TTC3: variants seen among roughly 807,000 people sequenced by gnomAD.
The protein encoded by TTC3 is tetratricopeptide repeat domain 3.
TTC3 carries 180 observed loss-of-function variants against 249.6 expected under a neutral mutation model. The observed-to-expected ratio is 0.72, with a 90% CI of 0.64 to 0.82. The LOEUF (loss-of-function observed/expected upper bound fraction) is 0.82. Ranked by LOEUF, TTC3 falls within the 40% of genes least tolerant of loss-of-function variation. The pLI, the probability that TTC3 is intolerant of heterozygous loss-of-function variation, is 0.00. For synonymous variants in TTC3, 717 were observed against 805.0 expected (o/e 0.89, Z 1.85); for missense variants, 2,061 against 2,398.4 (o/e 0.86, Z 2.94).
intron 39 of TTC3, 44 bp from the exon 40 acceptor site, chr21:37,191,290 A>C (rs770653756): frequency 7.8e-6 from 11 of 1,410,010 alleles, no homozygotes; most frequent in Non-Finnish European, 1.1e-5. Flanking sequence ...AAGTGCTTTT[A>C]ATTTTTAAAA....
intron 31 of TTC3, 61 bp downstream of exon 31, chr21:37,162,124 G>A (rs980109854): frequency 3.2e-5 from 35 of 1,083,940 alleles, no homozygotes; most frequent in Admixed American, 1.2e-4. Context: ...TTAATAAGTT[G>A]TGTTAATTTA....
In TTC3 at chr21:37,075,166, CT is replaced by C. The variant is rs11418024; in HGVS notation, c.-12+1815del. 3.8e-3 allele frequency among the ~76,000 whole-genome samples: 520 copies of C among 138,252 alleles called. 1 individual carries two copies. Among genetic ancestry groups the C allele is most frequent in the Admixed American group, 4.9e-3 (69 of 14,110 alleles). The allele number at this position is 138,252 out of a possible 152,430, so 90.7% of individuals were successfully genotyped here. ...AATATACATGCCTTTTTGCAACTTG[CT>C]TTTTTTTTTTTTGCTCAGCATCATA... On this transcript the variant is annotated intron_variant, in intron 1 of 45. Coordinates refer to ENST00000355666, the Ensembl canonical transcript of TTC3.
exon 21 of TTC3, chr21:37,144,540 C>G: frequency 6.2e-7 from 1 of 1,611,240 alleles, no homozygotes; most frequent in East Asian, 2.2e-5. Context: ...TAGAAGCTCT[C>G]AATCACTTTG....
chr21:37,141,882 A>G (rs542344629), intron 20 of TTC3, among the ~76,000 whole-genome samples: 99 of 152,356 alleles, frequency 6.5e-4, no homozygotes, highest in African/African-American at 2.2e-3. Context: ...ATCCAGCAGC[A>G]CATCAAAAAG....
intron 45 of TTC3, 85 bp from the exon 46 acceptor site, chr21:37,201,355 C>A: frequency 6.3e-7 from 1 of 1,579,446 alleles, no homozygotes; most frequent in Non-Finnish European, 8.7e-7. Flanking sequence ...GTGAGCCACG[C>A]CTGCCAAGGA....
intron 42 of TTC3, 34 bp from the exon 43 acceptor site, chr21:37,197,536 T>C (rs940227840): frequency 1.9e-6 from 3 of 1,611,668 alleles, no homozygotes; most frequent in African/African-American, 1.3e-5. Context: ...TAGAGAACTT[T>C]CTGTTGTCAT....
intron 11 of TTC3, among the ~76,000 whole-genome samples, chr21:37,120,062 T>C (rs1026687701): frequency 6.6e-6 from 1 of 152,144 alleles, no homozygotes; most frequent in African/African-American, 2.4e-5. Flanking sequence ...TCTCCTGGGT[T>C]ACAGCCACAC....
At chr21:37,130,676 A>G (rs939889908) in intron 16 of TTC3, among the ~76,000 whole-genome samples, 1 of 151,994 alleles carries the variant, frequency 6.6e-6, no homozygotes, top group African/African-American at 2.4e-5. Context: ...GAGCTCTTCC[A>G]TTCTTCATTT....
chr21:37,095,341 G>T lies in TTC3; in HGVS notation c.688-9G>T. The T allele has an allele frequency of 6.3e-7, 1 of 1,586,888 alleles. No individual in the cohort carries two copies. Among genetic ancestry groups the T allele is most frequent in the Admixed American group, 1.8e-5 (1 of 55,812 alleles). The stretch of plus-strand genomic sequence containing the variant: ...CATTGATGGGTCTTCTTTCACCTTG[G>T]TTTCTCAGGAAGGAGAACTAATGAA... On this transcript the variant is annotated splice_polypyrimidine_tract_variant and intron_variant, in intron 8 of 45. Coordinates refer to ENST00000355666, the Ensembl canonical transcript of TTC3.
chr21:37,118,836 A>T (rs566507205), intron 11 of TTC3, among the ~76,000 whole-genome samples: 1 of 152,040 alleles, frequency 6.6e-6, no homozygotes, highest in East Asian at 1.9e-4. Context: ...ATCTGCCTTT[A>T]TTTCCATCCA....
At chr21:37,077,816 A>G (rs748803573) in intron 1 of TTC3, among the ~76,000 whole-genome samples, 7 of 152,132 alleles carry the variant, frequency 4.6e-5, no homozygotes, top group Non-Finnish European at 7.4e-5. Context: ...TGTGCGTTGT[A>G]AATATCTTTT....
intron 13 of TTC3, among the ~76,000 whole-genome samples, chr21:37,124,157 C>G (rs1004538608): frequency 1.9e-5 from 2 of 105,146 alleles, no homozygotes; most frequent in Non-Finnish European, 3.6e-5. Context: ...CCTCTGTCAC[C>G]TAGGCTGGAG....
chr21:37,151,300 A>G (rs1164718085), intron 25 of TTC3, among the ~76,000 whole-genome samples: 1 of 152,120 alleles, frequency 6.6e-6, no homozygotes, highest in Admixed American at 6.5e-5. Flanking sequence ...TGAAATACTC[A>G]ATGTACTGTC....
chr21:37,196,308 C>CT (rs2084909300), intron 42 of TTC3, among the ~76,000 whole-genome samples: 2 of 148,408 alleles, frequency 1.3e-5, no homozygotes, highest in Middle Eastern at 6.6e-3. Flanking sequence ...ACAGTCTCGG[C>CT]TCCCTGCAAC....
intron 12 of TTC3, 145 bp downstream of exon 12, chr21:37,122,124 G>C: frequency 3.0e-6 from 2 of 673,784 alleles, no homozygotes; most frequent in Non-Finnish European, 4.5e-6. Context: ...CATGGCACTT[G>C]AGTTTTTCAT....
rs2073824165 is a variant in TTC3, at chr21:37,095,325, GTCTTCTT to G, written c.688-22_688-16del. 2 of 1,534,908 alleles carry G rather than the reference GTCTTCTT, an allele frequency of 1.3e-6. No individual in the cohort carries two copies. Among genetic ancestry groups the G allele is most frequent in the Non-Finnish European group, 1.8e-6 (2 of 1,124,904 alleles). On this transcript the variant is annotated intron_variant, in intron 8 of 45. Coordinates refer to ENST00000355666, the Ensembl canonical transcript of TTC3. Reference sequence around the variant, plus strand: ...GATGATTTTTGGAGGTCATTGATGGGTCTTCTTTCACCTTGGTTTCTCAGGAAGGAGA... The same window carrying G: ...GATGATTTTTGGAGGTCATTGATGGGTCACCTTGGTTTCTCAGGAAGGAGA...
exon 33 of TTC3, chr21:37,166,194 A>C: frequency 1.2e-6 from 2 of 1,614,092 alleles, no homozygotes; most frequent in African/African-American, 2.7e-5. Context: ...CAGAGATTTG[A>C]TATCACCCAG....
intron 14 of TTC3, among the ~76,000 whole-genome samples, chr21:37,125,003 G>A (rs2835615): frequency 0.53 from 80,657 of 151,796 alleles, 22,014 homozygotes; most frequent in African/African-American, 0.64. Flanking sequence ...CCATTTTGCC[G>A]CTTCTCTTTG....
chr21:37,121,942 G>A (rs1359656917), exon 12 of TTC3: 1 of 1,611,024 alleles, frequency 6.2e-7, no homozygotes, highest in Middle Eastern at 1.7e-4. Flanking sequence ...TAATTCAGCA[G>A]CATGTAAAGT....
Sources: gnomAD v4.1 joint callset for allele counts (sites outside exome capture counted in the v4.1 genomes callset) on GRCh38, gnomAD v4.1.1 for gene constraint, MANE v1.5 for transcripts, NCBI Gene and HGNC (gene_info 2026-07-23, HGNC 2026-07-21) for gene names.